The following BTBD8 variants were observed in gnomAD, a reference collection of about 807,000 sequenced individuals.
The protein encoded by BTBD8 is BTB domain containing 8.
In BTBD8, 110 loss-of-function variants were observed where a neutral mutation model predicts 162.9. The ratio of observed to expected loss-of-function variants is 0.68; its 90% CI spans 0.58 to 0.79. BTBD8 has a LOEUF of 0.79. Ranked by LOEUF, BTBD8 falls within the 30% of genes least tolerant of loss-of-function variation. The pLI is 0.00. For synonymous variants in BTBD8, 667 were observed against 716.1 expected (o/e 0.93, Z 1.10); for missense variants, 1,905 against 2,085.4 (o/e 0.91, Z 1.68).
chr1:92,156,603 A>C (rs1397228924), intron 9 of BTBD8, among the ~76,000 whole-genome samples: 1 of 152,166 alleles, frequency 6.6e-6, no homozygotes, highest in Non-Finnish European at 1.5e-5. Flanking sequence ...TTTTTATTAC[A>C]GCTCAATCTC....
At chr1:92,111,177 G>A (rs1386140670) in intron 4 of BTBD8, among the ~76,000 whole-genome samples, 1 of 151,858 alleles carries the variant, frequency 6.6e-6, no homozygotes, top group African/African-American at 2.4e-5. Flanking sequence ...CTTTTTAGTA[G>A]AGACAGGGTT....
chr1:92,177,449 A>G lies in BTBD8; in HGVS notation c.2256A>G (p.Thr752=), dbSNP rs1261881640. The G allele has an allele frequency of 6.4e-7, 1 of 1,551,734 alleles. No individual in the cohort carries two copies. The highest frequency in any genetic ancestry group is 1.2e-5 in the South Asian group (1 of 84,066). Residue 752 remains threonine, a synonymous_variant, in exon 14 of 18, where the codon ACA becomes ACG. Coordinates refer to ENST00000636805, the MANE Select transcript of BTBD8 (RefSeq NM_001376131.1). The part of the protein sequence containing the change: ...CLDEPKENGS[T]EEEKPSGHKL... ...ATGAACCGAAAGAAAATGGATCAACAGAAGAAGAAAAGCCTTCTGGACATA... is the reference window on the plus strand; with the variant it reads ...ATGAACCGAAAGAAAATGGATCAACGGAAGAAGAAAAGCCTTCTGGACATA...
At position 92,181,338 on chromosome 1, in the gene BTBD8, G is replaced by GA; in HGVS notation, c.3657dup (p.Ser1220IlefsTer6). The GA allele has an allele frequency of 6.4e-7, 1 of 1,551,582 alleles. No homozygotes were observed. Among genetic ancestry groups the GA allele is most frequent in the Non-Finnish European group, 8.7e-7 (1 of 1,146,954 alleles). ...TTCTCCTAAAAATATGGAAACATCA[G>GA]AATCTCCAGAGAGCCATGAAACTCC... On this transcript the variant is annotated frameshift_variant, in exon 17 of 18. Coordinates refer to ENST00000636805, the MANE Select transcript of BTBD8 (RefSeq NM_001376131.1). LOFTEE classifies it high-confidence loss of function.
At chr1:92,132,663 G>T (rs1649540634) in intron 5 of BTBD8, among the ~76,000 whole-genome samples, 1 of 152,080 alleles carries the variant, frequency 6.6e-6, no homozygotes, top group Non-Finnish European at 1.5e-5. Context: ...TTAGTGCCAG[G>T]CATGACCAGG....
At chr1:92,124,468 A>G (rs1649301149) in intron 4 of BTBD8, among the ~76,000 whole-genome samples, 1 of 152,228 alleles carries the variant, frequency 6.6e-6, no homozygotes, top group Non-Finnish European at 1.5e-5. Flanking sequence ...TGCGGAGCAC[A>G]GAATAGAATA....
intron 2 of BTBD8, among the ~76,000 whole-genome samples, chr1:92,089,465 CT>C (rs1300488395): frequency 3.3e-5 from 5 of 152,056 alleles, no homozygotes; most frequent in African/African-American, 1.2e-4. Flanking sequence ...ATTCTCATGG[CT>C]TATGTCTTAG....
At chr1:92,109,742 G>A (rs1431457675) in intron 4 of BTBD8, among the ~76,000 whole-genome samples, 1 of 152,122 alleles carries the variant, frequency 6.6e-6, no homozygotes, top group East Asian at 1.9e-4. Context: ...GGAATATTGT[G>A]TCAGTAGTTC....
Position 92,176,939 on chromosome 1 carries a change from T to C in BTBD8, c.1746T>C (p.Asp582=). 6.5e-7 allele frequency: 1 copy of C among 1,540,682 alleles called. No individual in the cohort carries two copies. The highest frequency in any genetic ancestry group is 1.7e-4 in the Middle Eastern group (1 of 5,918). ...YLSTNKKMKS[D]GLGASGHSSS... ...CTACTAATAAAAAGATGAAATCTGA[T>C]GGATTAGGAGCATCTGGACATTCGT... Residue 582 remains aspartate (D), a synonymous_variant, in exon 14 of 18, where the codon GAT becomes GAC. Coordinates refer to ENST00000636805, the MANE Select transcript of BTBD8 (RefSeq NM_001376131.1).
intron 2 of BTBD8, among the ~76,000 whole-genome samples, chr1:92,092,703 C>T (rs963311741): frequency 2.0e-5 from 3 of 152,148 alleles, no homozygotes; most frequent in Admixed American, 6.5e-5. Context: ...ACCTTAATGC[C>T]GGTGCCACTT....
chr1:92,086,048 T>C (rs1227139142), intron 1 of BTBD8, among the ~76,000 whole-genome samples: 1 of 152,196 alleles, frequency 6.6e-6, no homozygotes, highest in Non-Finnish European at 1.5e-5. Flanking sequence ...ACAGCTGTGA[T>C]GGTTTAGCAT....
chr1:92,114,947 TGTTAAA>T, intron 4 of BTBD8: 1 of 292,326 alleles, frequency 3.4e-6, no homozygotes, highest in Admixed American at 4.2e-5. Context: ...TTGGTGTCAC[TGTTAAA>T]GTTGGAGGAG....
intron 9 of BTBD8, among the ~76,000 whole-genome samples, chr1:92,148,232 A>C (rs1315776699): frequency 6.6e-6 from 1 of 152,118 alleles, no homozygotes; most frequent in East Asian, 1.9e-4. Flanking sequence ...TGAAAAAAAC[A>C]TTTGCTCTGG....
rs766578244 is a variant in BTBD8, at chr1:92,181,132, C to G, written c.3449C>G (p.Pro1150Arg). The stretch of plus-strand genomic sequence containing the variant: ...GTGGAAGATGTTTCACTGTGTAATC[C>G]TGAAAGGACAAATGGTACCTTAAAT... ...KCVEDVSLCN[P>R]ERTNGTLNSA... is the part of the protein sequence containing the mutation. Residue 1150 changes from proline to arginine, a missense_variant, in exon 17 of 18, where the codon CCT becomes CGT. Physicochemically the swap from Pro to Arg is moderately radical, Grantham distance 103. Transcript: ENST00000636805. The G allele has an allele frequency of 3.2e-6, 5 of 1,551,336 alleles. No homozygotes were observed. The highest frequency in any genetic ancestry group is 2.4e-5 in the East Asian group (1 of 40,918).
In BTBD8 at chr1:92,096,514, T is replaced by C. The variant is rs114608153; in HGVS notation, c.348-5959T>C. Among the ~76,000 whole-genome samples, 744 of 152,104 alleles carry C rather than the reference T, an allele frequency of 4.9e-3. 1 individual carries two copies. The highest frequency in any genetic ancestry group is 0.017 in the African/African-American group (710 of 41,478). On this transcript the variant is annotated intron_variant, in intron 2 of 17. Coordinates refer to ENST00000636805, the MANE Select transcript of BTBD8 (RefSeq NM_001376131.1). ...ATGCTAACCACCAGTAGGCACTTAGTGCTGTTAGTCATACTACATGCAATC... is the reference window on the plus strand; with the variant it reads ...ATGCTAACCACCAGTAGGCACTTAGCGCTGTTAGTCATACTACATGCAATC...
At position 92,107,987 on chromosome 1, in the gene BTBD8, T is replaced by C; in HGVS notation, c.648T>C (p.Arg216=). 6.2e-7 allele frequency: 1 copy of C among 1,613,138 alleles called. No individual in the cohort carries two copies. The highest frequency in any genetic ancestry group is 1.3e-5 in the African/African-American group (1 of 75,024). The change falls in exon 4 of 18, where the codon CGT becomes CGC. Residue 216 remains arginine (R), a synonymous_variant. Transcript: ENST00000636805. ...PDIDIFVDGK[R]FKAHRAILSA... ...TTGATATTTTTGTTGATGGAAAACG[T>C]TTTAAAGCTCACAGGTAAATAGACA...
chr1:92,147,409 C>T (rs1649950064), intron 8 of BTBD8, 141 bp downstream of exon 8: 1 of 662,138 alleles, frequency 1.5e-6, no homozygotes. Context: ...ACTAGTTTCA[C>T]CACTAAGTAG....
At chr1:92,134,094 T>A (rs1649574025) in intron 5 of BTBD8, among the ~76,000 whole-genome samples, 1 of 151,974 alleles carries the variant, frequency 6.6e-6, no homozygotes, top group African/African-American at 2.4e-5. Flanking sequence ...TTCCACATAC[T>A]ATAATGTAAA....
At chr1:92,080,805 T>C in intron 1 of BTBD8, 85 bp downstream of exon 1, 2 of 1,519,158 alleles carry the variant, frequency 1.3e-6, no homozygotes, top group Non-Finnish European at 1.8e-6. Context: ...CGGCTCTGCC[T>C]CCCCCTCCCT....
At position 92,152,225 on chromosome 1, in the gene BTBD8, A is replaced by G. The variant is rs776306702; in HGVS notation, c.1122+4439A>G. Among the ~76,000 whole-genome samples, 22 of 152,136 alleles carry G rather than the reference A, an allele frequency of 1.4e-4. 1 individual carries two copies. Among genetic ancestry groups the G allele is most frequent in the Non-Finnish European group, 2.8e-4 (19 of 68,018 alleles). Reference sequence around the variant, plus strand: ...CTTCAAGAAACTCACAAATTGGTGGAAAAATAGGCATTTAAACAGCTAAGT... The same window carrying G: ...CTTCAAGAAACTCACAAATTGGTGGGAAAATAGGCATTTAAACAGCTAAGT... On this transcript the variant is annotated intron_variant, in intron 9 of 17. Transcript: ENST00000636805.
Sources: allele counts gnomAD v4.1 joint callset (sites outside exome capture counted in the v4.1 genomes callset), GRCh38; gene constraint gnomAD v4.1.1; transcripts MANE v1.5; gene names NCBI Gene and HGNC (gene_info 2026-07-23, HGNC 2026-07-21).